ATP5MG: variants seen among roughly 807,000 people sequenced by gnomAD.
The protein encoded by ATP5MG is ATP synthase F(0) complex subunit g, mitochondrial.
Under a neutral mutation model 12.7 loss-of-function variants are expected in ATP5MG, and 7 were observed. The ratio of observed to expected loss-of-function variants is 0.55; its 90% CI spans 0.31 to 1.04. The LOEUF (loss-of-function observed/expected upper bound fraction) is 1.04, where lower values mean the gene tolerates loss of function less well. ATP5MG is among the 50% of genes least tolerant of loss of function. ATP5MG has a pLI of 0.05. For missense variants in ATP5MG, 116 were observed against 126.7 expected (o/e 0.92, Z 0.41); for synonymous variants, 53 against 48.2 (o/e 1.10, Z -0.41).
intron 1 of ATP5MG, among the ~76,000 whole-genome samples, chr11:118,405,363 G>T (rs1948963713): frequency 6.6e-6 from 1 of 152,068 alleles, no homozygotes; most frequent in African/African-American, 2.4e-5. Context: ...AGTACTGTGG[G>T]ATTTATTCTT....
intron 1 of ATP5MG, chr11:118,406,667 A>T: frequency 2.2e-6 from 1 of 446,774 alleles, no homozygotes; most frequent in Non-Finnish European, 4.1e-6. Context: ...GTACAGTACT[A>T]GCTGGCCACT....
chr11:118,404,323 G>A (rs1688646512), intron 1 of ATP5MG, among the ~76,000 whole-genome samples: 2 of 152,054 alleles, frequency 1.3e-5, no homozygotes, highest in African/African-American at 4.8e-5. Context: ...TATTTCAATA[G>A]TTTTTCCAAT....
chr11:118,407,288 AT>A, intron 2 of ATP5MG, 191 bp downstream of exon 2: 1 of 852,528 alleles, frequency 1.2e-6, no homozygotes, highest in Non-Finnish European at 1.7e-6. Flanking sequence ...TAATTAGCCC[AT>A]TTTATGTCTT....
intron 2 of ATP5MG, among the ~76,000 whole-genome samples, chr11:118,408,521 A>G (rs1381615209): frequency 1.3e-5 from 2 of 152,244 alleles, no homozygotes; most frequent in Non-Finnish European, 2.9e-5. Context: ...GTCAGAGTTA[A>G]GTCAAATACT....
intron 2 of ATP5MG, among the ~76,000 whole-genome samples, chr11:118,407,848 A>G (rs1282404373): frequency 1.3e-5 from 2 of 151,978 alleles, no homozygotes; most frequent in Non-Finnish European, 2.9e-5. Flanking sequence ...TGGGTGACAG[A>G]GTAAGACCCT....
chr11:118,406,941 T>C lies in ATP5MG; in HGVS notation c.57T>C (p.Ala19=), dbSNP rs1591317880. Residue 19 remains alanine (A), a synonymous_variant, in exon 2 of 3, where the codon GCT becomes GCC. Coordinates refer to ENST00000300688, the MANE Select transcript of ATP5MG (RefSeq NM_006476.5). ...VEKTPALVNA[A]VTYSKPRLAT... ...TTGTTTTGTTTTGTTTTCCAGCTGCTGTGACTTACTCGAAGCCTCGATTGG... is the reference window on the plus strand; with the variant it reads ...TTGTTTTGTTTTGTTTTCCAGCTGCCGTGACTTACTCGAAGCCTCGATTGG... 1 of 1,604,620 alleles carries C rather than the reference T, an allele frequency of 6.2e-7. No homozygotes were observed.
chr11:118,405,443 T>C (rs529139445), intron 1 of ATP5MG, among the ~76,000 whole-genome samples: 42 of 152,312 alleles, frequency 2.8e-4, no homozygotes, highest in Non-Finnish European at 4.6e-4. Context: ...TTATCTACCA[T>C]TCATTATGTT....
intron 1 of ATP5MG, 102 bp downstream of exon 1, chr11:118,401,819 G>A: frequency 7.1e-7 from 1 of 1,411,682 alleles, no homozygotes; most frequent in Non-Finnish European, 9.6e-7. Flanking sequence ...AGGGGCCTGC[G>A]GGTGCCGGGG....
In ATP5MG at chr11:118,401,708, C is replaced by G. The variant is rs1948928326; in HGVS notation, c.43C>G (p.Leu15Val). ...VRNLVEKTPA[L>V]VNAAVTYSKP... The stretch of plus-strand genomic sequence containing the variant: ...TAACCTTGTGGAGAAGACCCCGGCG[C>G]TGGTGAACGGTGAGCGCGATGTGAG... Residue 15 changes from leucine to valine, a missense_variant, in exon 1 of 3, where the codon CTG (leucine) becomes GTG (valine). Coordinates refer to ENST00000300688, the MANE Select transcript of ATP5MG (RefSeq NM_006476.5). 1 of 1,613,444 alleles carries G rather than the reference C, an allele frequency of 6.2e-7. No homozygotes were observed. Among genetic ancestry groups the G allele is most frequent in the Non-Finnish European group, 8.5e-7 (1 of 1,179,540 alleles).
At position 118,409,288 on chromosome 11, in the gene ATP5MG, C is replaced by T. The variant is rs1417297796; in HGVS notation, c.*190C>T. The T allele has an allele frequency of 9.4e-6, 3 of 317,688 alleles. No homozygotes were observed. The highest frequency in any genetic ancestry group is 5.8e-5 in the East Asian group (1 of 17,224). The allele number at this position is 317,688 out of a possible 1,614,324, so 19.7% of individuals were successfully genotyped here. A position where few individuals can be genotyped will look rare whatever the true frequency, so the allele number is the denominator to read the frequency against. ...TTGTCTTTAAACAACCCTAAATACACGTCTGTTTAGCCCGCAATTGGAAAG... is the reference window on the plus strand; with the variant it reads ...TTGTCTTTAAACAACCCTAAATACATGTCTGTTTAGCCCGCAATTGGAAAG... On this transcript the variant is annotated 3_prime_UTR_variant, in exon 3 of 3. Coordinates refer to ENST00000300688, the MANE Select transcript of ATP5MG (RefSeq NM_006476.5).
At position 118,409,536 on chromosome 11, in the gene ATP5MG, C is replaced by T. The variant is rs2134130620; in HGVS notation, c.*438C>T. 1 of 152,426 alleles carries T rather than the reference C, an allele frequency of 6.6e-6. No individual in the cohort carries two copies. Among genetic ancestry groups the T allele is most frequent in the South Asian group, 2.1e-4 (1 of 4,826 alleles). 9.4% of individuals were successfully genotyped at this position (152,426 alleles called of 1,614,324 possible). ...AATAACATTTCAACTGTTTTCTTTG[C>T]TAAAATCACAGAAAGACCCTATTGA... On this transcript the variant is annotated 3_prime_UTR_variant, in exon 3 of 3. Coordinates refer to ENST00000300688, the MANE Select transcript of ATP5MG (RefSeq NM_006476.5).
intron 1 of ATP5MG, among the ~76,000 whole-genome samples, chr11:118,402,166 A>G (rs1252773895): frequency 2.0e-5 from 3 of 152,176 alleles, no homozygotes; most frequent in Non-Finnish European, 4.4e-5. Flanking sequence ...AGAAATGTTT[A>G]AGGATGGGTG....
chr11:118,406,842 A>G (rs1948976029), intron 1 of ATP5MG, 95 bp from the exon 2 acceptor site: 3 of 1,502,206 alleles, frequency 2.0e-6, no homozygotes, highest in Non-Finnish European at 2.7e-6. Flanking sequence ...AAGGTGATGC[A>G]TGAATAAATA....
intron 1 of ATP5MG, 129 bp from the exon 2 acceptor site, chr11:118,406,808 C>A: frequency 7.3e-7 from 1 of 1,374,410 alleles, no homozygotes; most frequent in South Asian, 1.4e-5. Flanking sequence ...ACACCGGGTG[C>A]ACATTTGGTA....
chr11:118,408,957 A>C, intron 2 of ATP5MG, 43 bp from the exon 3 acceptor site: 1 of 529,606 alleles, frequency 1.9e-6, no homozygotes, highest in Non-Finnish European at 3.0e-6. Context: ...ATAATTATAT[A>C]TATATATAAA....
chr11:118,408,758 A>T (rs1473950951), intron 2 of ATP5MG, among the ~76,000 whole-genome samples: 1 of 152,154 alleles, frequency 6.6e-6, no homozygotes, highest in Non-Finnish European at 1.5e-5. Flanking sequence ...ATGCTTTGAA[A>T]GAATTTATAT....
chr11:118,402,714 T>C (rs2853007), intron 1 of ATP5MG, among the ~76,000 whole-genome samples: 11 of 150,064 alleles, frequency 7.3e-5, no homozygotes, highest in East Asian at 5.8e-4. Flanking sequence ...TTTTTTTTTT[T>C]CCTAGAAGAC....
rs1555132812 is a variant in ATP5MG, at chr11:118,409,639, T to TTA, written c.*541_*542insTA. ...TCCCCAAGAGAGAACAGGGTGGTAT[T>TTA]CTAAGTATGTTTCTTTGTAACATCT... On this transcript the variant is annotated 3_prime_UTR_variant, in exon 3 of 3. Transcript: ENST00000300688. 6.6e-6 allele frequency: 1 copy of TTA among 152,206 alleles called. No individual in the cohort carries two copies. Among genetic ancestry groups the TTA allele is most frequent in the Non-Finnish European group, 1.5e-5 (1 of 68,044 alleles). The allele number at this position is 152,206 out of a possible 1,614,324, so 9.4% of individuals were successfully genotyped here.
In ATP5MG at chr11:118,408,989, T is replaced by G. The variant is rs781802294; in HGVS notation, c.214-11T>G. 4 of 1,532,956 alleles carry G rather than the reference T, an allele frequency of 2.6e-6. No individual in the cohort carries two copies. Among genetic ancestry groups the G allele is most frequent in the Non-Finnish European group, 2.7e-6 (3 of 1,129,776 alleles). 95.0% of individuals were successfully genotyped at this position (1,532,956 alleles called of 1,614,324 possible). ...TAAAAGGTACCTTAAAATGTATGCT[T>G]CTTTTTTCAGGAAGCTGTGCTGAAT... On this transcript the variant is annotated splice_polypyrimidine_tract_variant and intron_variant, in intron 2 of 2. Coordinates refer to ENST00000300688, the MANE Select transcript of ATP5MG (RefSeq NM_006476.5).
Sources: gnomAD v4.1 joint callset for allele counts (sites outside exome capture counted in the v4.1 genomes callset) on GRCh38, gnomAD v4.1.1 for gene constraint, MANE v1.5 for transcripts, NCBI Gene and HGNC (gene_info 2026-07-23, HGNC 2026-07-21) for gene names.